Variants in ZDBF2 observed in about 807,000 individuals in gnomAD.
ZDBF2 encodes zinc finger DBF-type containing 2.
In ZDBF2, 6 loss-of-function variants were observed where a neutral mutation model predicts 9.4. That is an observed-to-expected ratio of 0.64 (90% confidence interval 0.35 to 1.27). The LOEUF is 1.27. Ranked by LOEUF, ZDBF2 falls within the 50% of genes most tolerant of loss-of-function variation. ZDBF2 has a pLI of 0.03. For synonymous variants in ZDBF2, 905 were observed against 946.3 expected (o/e 0.96, Z 0.80); for missense variants, 2,697 against 2,766.8 (o/e 0.97, Z 0.57).
At chr2:206,298,238 A>T (rs1314885296) in intron 4 of ZDBF2, among the ~76,000 whole-genome samples, 1 of 152,220 alleles carries the variant, frequency 6.6e-6, no homozygotes, top group South Asian at 2.1e-4. Flanking sequence ...AAAGAAAAAC[A>T]TTGGTAGAAA....
At position 206,306,049 on chromosome 2, in the gene ZDBF2, C is replaced by A; in HGVS notation, c.1521C>A (p.Asp507Glu). ...ATGCTTCACCTCAGTCCACTAGTGA[C>A]TACCCCCAACAATCTGTAACAGAAG... ...DCDASPQSTS[D>E]YPQQSVTEVN... The change falls in exon 5 of 5, where the codon GAC becomes GAA. Residue 507 changes from aspartate (D) to glutamate (E), a missense_variant. Asp to Glu is a conservative substitution (Grantham distance 45). Coordinates refer to ENST00000374423, the MANE Select transcript of ZDBF2 (RefSeq NM_020923.3). The A allele has an allele frequency of 6.2e-7, 1 of 1,613,730 alleles. No homozygotes were observed. Among genetic ancestry groups the A allele is most frequent in the Non-Finnish European group, 8.5e-7 (1 of 1,179,794 alleles).
Position 206,308,099 on chromosome 2 carries a change from C to G in ZDBF2, c.3571C>G (p.His1191Asp). ...GGAGCACATTGAACTAGAAGGTAAG[C>G]ACAATCAATGTTGTGGTTCTGAAGT... ...EQEHIELEGK[H>D]NQCCGSEVSF... Residue 1191 changes from histidine (H) to aspartate (D), a missense_variant, in exon 5 of 5, where the codon CAC (histidine) becomes GAC (aspartate). Physicochemically the swap from His to Asp is moderately conservative, Grantham distance 81. Transcript: ENST00000374423. 6.2e-7 allele frequency: 1 copy of G among 1,613,928 alleles called. No individual in the cohort carries two copies. The highest frequency in any genetic ancestry group is 1.1e-5 in the South Asian group (1 of 91,072).
At chr2:206,278,726 A>G (rs1233754101) in intron 1 of ZDBF2, among the ~76,000 whole-genome samples, 1 of 152,176 alleles carries the variant, frequency 6.6e-6, no homozygotes, top group Non-Finnish European at 1.5e-5. Context: ...ATTTTCCAGT[A>G]TCTGGTTAAA....
At position 206,310,689 on chromosome 2, in the gene ZDBF2, A is replaced by G. The variant is rs367918590; in HGVS notation, c.6161A>G (p.Glu2054Gly). The part of the protein sequence containing the change: ...KYKRNIFDYY[E>G]PLIKQIVISP... Reference sequence around the variant, plus strand: ...AAACGGAATATCTTTGATTATTATGAGCCCTTGATTAAGCAAATTGTAATT... The same window carrying G: ...AAACGGAATATCTTTGATTATTATGGGCCCTTGATTAAGCAAATTGTAATT... The change falls in exon 5 of 5, where the codon GAG becomes GGG. Residue 2054 changes from glutamate (E) to glycine (G), a missense_variant. Coordinates refer to ENST00000374423, the MANE Select transcript of ZDBF2 (RefSeq NM_020923.3). 19 of 1,613,088 alleles carry G rather than the reference A, an allele frequency of 1.2e-5. No homozygotes were observed. The African/African-American group carries it at 2.3e-4, about 19-fold the overall frequency.
chr2:206,309,064 A>T lies in ZDBF2; in HGVS notation c.4536A>T (p.Gln1512His). The part of the protein sequence containing the change: ...SDVPFQIVVN[Q>H]FPGSVKETHL... ...TTCCTTTTCAAATAGTAGTTAACCAATTTCCAGGATCAGTCAAAGAAACCC... is the reference window on the plus strand; with the variant it reads ...TTCCTTTTCAAATAGTAGTTAACCATTTTCCAGGATCAGTCAAAGAAACCC... The change falls in exon 5 of 5, where the codon CAA becomes CAT. Residue 1512 changes from glutamine to histidine, a missense_variant. This residue lies in a region of ZDBF2 where 1,783 missense variants were observed against 1,776.5 expected (regional missense o/e 1.00). Transcript: ENST00000374423. 1 of 1,613,852 alleles carries T rather than the reference A, an allele frequency of 6.2e-7. No individual in the cohort carries two copies. Among genetic ancestry groups the T allele is most frequent in the Non-Finnish European group, 8.5e-7 (1 of 1,179,852 alleles).
In ZDBF2 at chr2:206,297,296, A is replaced by G. The variant is rs766315725; in HGVS notation, c.111A>G (p.Gln37=). The stretch of plus-strand genomic sequence containing the variant: ...GTTTGACCAGACAGAGTAGACGTCA[A>G]ATATGTACCAGTAGTTTGATGGAAC... ...HRSLTRQSRR[Q]ICTSSLMERF... is the part of the protein sequence containing the mutation. The change falls in exon 4 of 5, where the codon CAA becomes CAG. Residue 37 remains glutamine (Q), a synonymous_variant. Coordinates refer to ENST00000374423, the MANE Select transcript of ZDBF2 (RefSeq NM_020923.3). 3 of 1,606,062 alleles carry G rather than the reference A, an allele frequency of 1.9e-6. No individual in the cohort carries two copies. The Admixed American group carries it at 5.0e-5, about 27-fold the overall frequency.
At position 206,307,505 on chromosome 2, in the gene ZDBF2, A is replaced by G; in HGVS notation, c.2977A>G (p.Thr993Ala). ...EKHAEFQGRS[T>A]EFSGSKTSLD... is the part of the protein sequence containing the mutation. ...GCACGCTGAATTCCAAGGTAGAAGT[A>G]CTGAATTCAGTGGTTCAAAAACAAG... Residue 993 changes from threonine (T) to alanine (A), a missense_variant, in exon 5 of 5, where the codon ACT (threonine) becomes GCT (alanine). Physicochemically the swap from Thr to Ala is moderately conservative, Grantham distance 58. Coordinates refer to ENST00000374423, the MANE Select transcript of ZDBF2 (RefSeq NM_020923.3). 1 of 1,613,768 alleles carries G rather than the reference A, an allele frequency of 6.2e-7. No homozygotes were observed. Among genetic ancestry groups the G allele is most frequent in the South Asian group, 1.1e-5 (1 of 91,040 alleles).
At chr2:206,300,563 G>T (rs1032487981) in intron 4 of ZDBF2, among the ~76,000 whole-genome samples, 4 of 152,148 alleles carry the variant, frequency 2.6e-5, no homozygotes, top group African/African-American at 9.7e-5. Flanking sequence ...ATGTTGCCGT[G>T]TCATTTTGGG....
intron 3 of ZDBF2, among the ~76,000 whole-genome samples, chr2:206,290,203 T>C (rs532407539): frequency 6.6e-6 from 1 of 152,346 alleles, no homozygotes; most frequent in South Asian, 2.1e-4. Flanking sequence ...TCCATTTTAT[T>C]TATCTATATA....
intron 3 of ZDBF2, among the ~76,000 whole-genome samples, chr2:206,282,704 A>T (rs1373789024): frequency 2.6e-5 from 4 of 152,224 alleles, no homozygotes; most frequent in Non-Finnish European, 5.9e-5. Flanking sequence ...AGATTTAAAA[A>T]TTTTGTTATT....
At chr2:206,280,266 G>A (rs867515460) in intron 2 of ZDBF2, among the ~76,000 whole-genome samples, 4 of 152,316 alleles carry the variant, frequency 2.6e-5, no homozygotes, top group South Asian at 4.1e-4. Flanking sequence ...TAAGGCACTA[G>A]AGATGACGGA....
At chr2:206,293,875 C>T (rs983025284) in intron 3 of ZDBF2, among the ~76,000 whole-genome samples, 10 of 151,968 alleles carry the variant, frequency 6.6e-5, no homozygotes, top group Non-Finnish European at 1.2e-4. Context: ...TTTATGACCC[C>T]GAAGTTTCAC....
At chr2:206,298,546 G>T (rs1284177524) in intron 4 of ZDBF2, among the ~76,000 whole-genome samples, 1 of 151,830 alleles carries the variant, frequency 6.6e-6, no homozygotes, top group Non-Finnish European at 1.5e-5. Flanking sequence ...TTTTTGAGAC[G>T]GAGTCTTGCT....
Position 206,311,265 on chromosome 2 carries a change from G to C in ZDBF2, c.6737G>C (p.Gly2246Ala), listed in dbSNP as rs993860571. 2 of 1,609,664 alleles carry C rather than the reference G, an allele frequency of 1.2e-6. No individual in the cohort carries two copies. The highest frequency in any genetic ancestry group is 2.7e-5 in the African/African-American group (2 of 74,862). The change falls in exon 5 of 5, where the codon GGA becomes GCA. Residue 2246 changes from glycine (G) to alanine (A), a missense_variant. Transcript: ENST00000374423. Reference protein sequence around the residue: ...HRYQSRSAFLGRYLKKKKSVV... With the variant: ...HRYQSRSAFLARYLKKKKSVV... ...TATCAGTCCAGGAGCGCTTTTCTTGGAAGGTATCTGAAGAAGAAAAAATCT... is the reference window on the plus strand; with the variant it reads ...TATCAGTCCAGGAGCGCTTTTCTTGCAAGGTATCTGAAGAAGAAAAAATCT...
Position 206,308,928 on chromosome 2 carries a change from A to G in ZDBF2, c.4400A>G (p.Asp1467Gly). Residue 1467 changes from aspartate (D) to glycine (G), a missense_variant, in exon 5 of 5, where the codon GAC becomes GGC. By Grantham distance (94) the Asp-to-Gly change is moderately conservative. Coordinates refer to ENST00000374423, the MANE Select transcript of ZDBF2 (RefSeq NM_020923.3). ...TGTGTTCATCTTCAGTCAGAAGTTGACCAACCTCAAGTGTCTTACAAAGAG... is the reference window on the plus strand; with the variant it reads ...TGTGTTCATCTTCAGTCAGAAGTTGGCCAACCTCAAGTGTCTTACAAAGAG... ...HSCVHLQSEV[D>G]QPQVSYKEAD... The G allele has an allele frequency of 6.2e-7, 1 of 1,613,206 alleles. No homozygotes were observed. The highest frequency in any genetic ancestry group is 8.5e-7 in the Non-Finnish European group (1 of 1,179,498).
rs1393424097 is a variant in ZDBF2 at position 206,310,336 on chromosome 2, A to C, written c.5808A>C (p.Gln1936His). 1 of 1,613,864 alleles carries C rather than the reference A, an allele frequency of 6.2e-7. No homozygotes were observed. Among genetic ancestry groups the C allele is most frequent in the Non-Finnish European group, 8.5e-7 (1 of 1,179,892 alleles). The change falls in exon 5 of 5, where the codon CAA becomes CAC. Residue 1936 changes from glutamine to histidine, a missense_variant. By Grantham distance (24) the Gln-to-His change is conservative (BLOSUM62 0). Transcript: ENST00000374423. ...AGCAAAAGGGGCGTGTGGCTTCTCA[A>C]TGCCAGACAGCGAAAATCAGCCATA... ...PPKQKGRVAS[Q>H]CQTAKISHST... is the part of the protein sequence containing the mutation.
chr2:206,274,806 C>G lies in ZDBF2; in HGVS notation c.-243C>G, dbSNP rs1265273662. The stretch of plus-strand genomic sequence containing the variant: ...AGGGGCCGAAGTCGCCTATTTCTGG[C>G]TCCGCGGGCAGCGGGGCCGTGGCGC... On this transcript the variant is annotated 5_prime_UTR_variant, in exon 1 of 5. Coordinates refer to ENST00000374423, the MANE Select transcript of ZDBF2 (RefSeq NM_020923.3). The G allele has an allele frequency of 6.6e-6, 1 of 152,196 alleles. No individual in the cohort carries two copies. The highest frequency in any genetic ancestry group is 2.4e-5 in the African/African-American group (1 of 41,466). 9.4% of individuals were successfully genotyped at this position (152,196 alleles called of 1,614,324 possible).
In ZDBF2 at chr2:206,297,351, C is replaced by T. The variant is rs1692239935; in HGVS notation, c.166C>T (p.Pro56Ser). 2 of 1,612,944 alleles carry T rather than the reference C, an allele frequency of 1.2e-6. No homozygotes were observed. Residue 56 changes from proline to serine, a missense_variant, in exon 4 of 5, where the codon CCA becomes TCA. Pro to Ser is a moderately conservative substitution (Grantham distance 74). Transcript: ENST00000374423. The stretch of plus-strand genomic sequence containing the variant: ...CTTACAGGATGTACTGCAGCACCAC[C>T]CATATCATTGTCAAGAGAGCAGGTA... The part of the protein sequence containing the change: ...RFLQDVLQHH[P>S]YHCQESSSTQ...
intron 4 of ZDBF2, among the ~76,000 whole-genome samples, chr2:206,302,795 C>G (rs751614893): frequency 4.9e-4 from 75 of 152,054 alleles, no homozygotes; most frequent in Non-Finnish European, 1.9e-4. Context: ...GATAGTAATA[C>G]TTAGGCTAAA....
Sources: allele counts gnomAD v4.1 joint callset (sites outside exome capture counted in the v4.1 genomes callset), GRCh38; gene constraint gnomAD v4.1.1; regional missense constraint gnomAD v4.1.1; transcripts MANE v1.5; gene names NCBI Gene and HGNC (gene_info 2026-07-23, HGNC 2026-07-21).